The following ST8SIA6 variants were observed in gnomAD, a reference collection of about 807,000 sequenced individuals.
ST8SIA6 encodes alpha-2,8-sialyltransferase 8F.
Under a neutral mutation model 33.6 loss-of-function variants are expected in ST8SIA6, and 39 were observed. The observed-to-expected ratio is 1.16, with a 90% CI of 0.90 to 1.52. ST8SIA6 has a LOEUF of 1.52. Ranked by LOEUF, ST8SIA6 falls within the 40% of genes most tolerant of loss-of-function variation. The pLI is 0.00. For missense variants in ST8SIA6, 441 were observed against 443.8 expected (o/e 0.99, Z 0.06); for synonymous variants, 172 against 167.2 (o/e 1.03, Z -0.22).
chr10:17,439,274 T>C (rs928150609), intron 2 of ST8SIA6, among the ~76,000 whole-genome samples: 14 of 127,034 alleles, frequency 1.1e-4, no homozygotes, highest in Admixed American at 6.6e-4. Context: ...TCCCTCTCTT[T>C]TTTTTTTTTT....
intron 4 of ST8SIA6, among the ~76,000 whole-genome samples, chr10:17,333,774 T>A (rs1421760933): frequency 7.6e-6 from 1 of 131,810 alleles, no homozygotes; most frequent in Non-Finnish European, 1.6e-5. Context: ...CAGGTTGGAG[T>A]GCAGCGGCAC....
intron 6 of ST8SIA6, 72 bp from the exon 7 acceptor site, chr10:17,323,229 G>GCGCACACACA: frequency 2.5e-6 from 2 of 793,930 alleles, no homozygotes; most frequent in Admixed American, 2.1e-5. Context: ...ACATATGCGC[G>GCGCACACACA]CACACACACA....
At chr10:17,378,378 G>A (rs1290585453) in intron 3 of ST8SIA6, among the ~76,000 whole-genome samples, 1 of 152,144 alleles carries the variant, frequency 6.6e-6, no homozygotes. Flanking sequence ...AGCAAAAACG[G>A]ATAATGTCAG....
At chr10:17,370,235 G>A (rs966976293) in intron 3 of ST8SIA6, among the ~76,000 whole-genome samples, 11 of 152,154 alleles carry the variant, frequency 7.2e-5, no homozygotes, top group East Asian at 5.8e-4. Flanking sequence ...CGTCCGTCTC[G>A]GCCTCTCGAA....
chr10:17,338,873 G>T (rs1848588475), intron 4 of ST8SIA6, among the ~76,000 whole-genome samples: 1 of 152,196 alleles, frequency 6.6e-6, no homozygotes, highest in African/African-American at 2.4e-5. Flanking sequence ...CCCAAGGAAA[G>T]AATTGAGACT....
chr10:17,378,694 A>C (rs1458977578), intron 3 of ST8SIA6, among the ~76,000 whole-genome samples: 2 of 152,224 alleles, frequency 1.3e-5, no homozygotes, highest in Non-Finnish European at 2.9e-5. Flanking sequence ...AACTACTTTA[A>C]GTCCACCCCC....
intron 2 of ST8SIA6, among the ~76,000 whole-genome samples, chr10:17,417,549 C>T (rs76325486): frequency 2.0e-3 from 297 of 152,094 alleles, no homozygotes; most frequent in African/African-American, 6.7e-3. Context: ...TTTCCTACCA[C>T]TTAGCACAGT....
At chr10:17,366,119 T>C (rs1372030169) in intron 3 of ST8SIA6, among the ~76,000 whole-genome samples, 1 of 152,306 alleles carries the variant, frequency 6.6e-6, no homozygotes, top group African/African-American at 2.4e-5. Context: ...AGGAGAAGTG[T>C]GTGGCTGGTA....
intron 3 of ST8SIA6, among the ~76,000 whole-genome samples, chr10:17,387,641 C>CT (rs1564438004): frequency 6.6e-6 from 1 of 152,170 alleles, no homozygotes; most frequent in Non-Finnish European, 1.5e-5. Flanking sequence ...ACTGCTGTCA[C>CT]ATCGATTAAC....
At chr10:17,424,837 G>A (rs1336440413) in intron 2 of ST8SIA6, among the ~76,000 whole-genome samples, 2 of 151,298 alleles carry the variant, frequency 1.3e-5, no homozygotes, top group Non-Finnish European at 2.9e-5. Context: ...AGGTTCAAGC[G>A]ATTCTCATGC....
intron 3 of ST8SIA6, among the ~76,000 whole-genome samples, chr10:17,368,407 CAAAAAA>C (rs200826980): frequency 1.9e-4 from 14 of 72,196 alleles, no homozygotes; most frequent in South Asian, 9.0e-4. Context: ...AGCTCTGTCT[CAAAAAA>C]AAAAAAAAAA....
chr10:17,397,606 C>T (rs1165761083), intron 2 of ST8SIA6, among the ~76,000 whole-genome samples: 1 of 152,190 alleles, frequency 6.6e-6, no homozygotes, highest in Non-Finnish European at 1.5e-5. Context: ...GAGATGTGCT[C>T]CGTACTCCTT....
chr10:17,349,904 A>T (rs1848973562), intron 4 of ST8SIA6, among the ~76,000 whole-genome samples: 1 of 151,736 alleles, frequency 6.6e-6, no homozygotes, highest in Non-Finnish European at 1.5e-5. Context: ...AAAACACATG[A>T]CTCAGATTAA....
chr10:17,376,099 C>T (rs1210128069), intron 3 of ST8SIA6, among the ~76,000 whole-genome samples: 1 of 152,158 alleles, frequency 6.6e-6, no homozygotes, highest in African/African-American at 2.4e-5. Context: ...TAGTCAAAAC[C>T]CCCAACATGT....
intron 2 of ST8SIA6, among the ~76,000 whole-genome samples, chr10:17,431,363 A>T (rs1004718238): frequency 1.3e-5 from 2 of 152,236 alleles, no homozygotes; most frequent in Non-Finnish European, 2.9e-5. Context: ...CTGTTTTAAA[A>T]GTATTTTAAG....
At chr10:17,425,385 G>A (rs552028627) in intron 2 of ST8SIA6, among the ~76,000 whole-genome samples, 2 of 151,990 alleles carry the variant, frequency 1.3e-5, no homozygotes, top group South Asian at 2.1e-4. Flanking sequence ...CCTGACCAAC[G>A]TGATGAAACC....
intron 4 of ST8SIA6, among the ~76,000 whole-genome samples, chr10:17,350,460 G>A (rs372943449): frequency 1.1e-4 from 16 of 152,094 alleles, no homozygotes; most frequent in African/African-American, 3.1e-4. Flanking sequence ...AGGCTGAGGC[G>A]GGAGGATCGT....
intron 3 of ST8SIA6, among the ~76,000 whole-genome samples, chr10:17,383,610 G>T (rs960644605): frequency 6.6e-6 from 1 of 151,956 alleles, no homozygotes; most frequent in African/African-American, 2.4e-5. Context: ...GTCTTGTTTT[G>T]TTCCTCTTTA....
chr10:17,325,556 T>C (rs11816574), intron 6 of ST8SIA6, among the ~76,000 whole-genome samples: 3,563 of 151,742 alleles, frequency 0.023, 145 homozygotes, highest in African/African-American at 0.082. Flanking sequence ...GTATATATAG[T>C]CATTGCCTAT....
Sources: allele counts gnomAD v4.1 joint callset (sites outside exome capture counted in the v4.1 genomes callset), GRCh38; gene constraint gnomAD v4.1.1; transcripts MANE v1.5; gene names NCBI Gene and HGNC (gene_info 2026-07-23, HGNC 2026-07-21).